RBMS3: variants seen among roughly 807,000 people sequenced by gnomAD.
The protein encoded by RBMS3 is RNA-binding motif, single-stranded-interacting protein 3.
Under a neutral mutation model 66.8 loss-of-function variants are expected in RBMS3, and 27 were observed. The observed-to-expected ratio is 0.40, with a 90% confidence interval of 0.30 to 0.56. RBMS3 has a LOEUF of 0.56. Ranked by LOEUF, RBMS3 falls within the 20% of genes least tolerant of loss-of-function variation. The probability of loss-of-function intolerance (pLI) is 0.40; values close to 1 mark genes in which losing one functional copy is unlikely to be tolerated. For missense variants in RBMS3, 513 were observed against 549.5 expected, an observed-to-expected ratio of 0.93 and a Z score of 0.66; for synonymous variants, 188 against 183.0, an observed-to-expected ratio of 1.03 and a Z score of -0.22.
At chr3:29,343,207 A>T (rs902755826) in intron 1 of RBMS3, among the ~76,000 whole-genome samples, 1 of 152,154 alleles carries the variant, frequency 6.6e-6, no homozygotes, top group Non-Finnish European at 1.5e-5. Context: ...TGAGCGAAAT[A>T]TCTTTTGGGA....
intron 3 of RBMS3, among the ~76,000 whole-genome samples, chr3:29,544,942 A>C (rs2045897798): frequency 6.6e-6 from 1 of 152,166 alleles, no homozygotes; most frequent in African/African-American, 2.4e-5. Context: ...ATTGAGGCCA[A>C]ATCAGATTTT....
intron 5 of RBMS3, among the ~76,000 whole-genome samples, chr3:29,740,640 G>A (rs2054594474): frequency 6.6e-6 from 1 of 152,164 alleles, no homozygotes; most frequent in Non-Finnish European, 1.5e-5. Context: ...AGAAAAATAA[G>A]TCTTGTCTCT....
chr3:29,922,927 A>C (rs2060831880), intron 10 of RBMS3, among the ~76,000 whole-genome samples: 1 of 152,238 alleles, frequency 6.6e-6, no homozygotes, highest in Admixed American at 6.5e-5. Context: ...ACTTTATAAA[A>C]TGAAAAGAAA....
Position 29,936,090 on chromosome 3 carries a change from C to T in RBMS3, c.944C>T (p.Ala315Val). Residue 315 changes from alanine to valine, a missense_variant, in exon 11 of 15, where the codon GCT (alanine) becomes GTT (valine). Coordinates refer to ENST00000383767, the MANE Select transcript of RBMS3 (RefSeq NM_001003793.3). Reference sequence around the variant, plus strand: ...GGACATTGTATATGCTTGTAGGGTGCTGTGATTACACCAACCATGGACCAT... The same window carrying T: ...GGACATTGTATATGCTTGTAGGGTGTTGTGATTACACCAACCATGGACCAT... The part of the protein sequence containing the change: ...HPPYVMQPTG[A>V]VITPTMDHPM... 10 of 1,612,304 alleles carry T rather than the reference C, an allele frequency of 6.2e-6. No homozygotes were observed. The highest frequency in any genetic ancestry group is 8.5e-6 in the Non-Finnish European group (10 of 1,178,872).
intron 13 of RBMS3, among the ~76,000 whole-genome samples, chr3:29,989,929 T>G (rs7647262): frequency 0.14 from 21,674 of 152,232 alleles, 1,804 homozygotes; most frequent in East Asian, 0.2. Context: ...CAAATACTTA[T>G]CTACAAAATT....
chr3:29,668,079 G>A (rs780810591), intron 4 of RBMS3, among the ~76,000 whole-genome samples: 1 of 152,042 alleles, frequency 6.6e-6, no homozygotes, highest in Admixed American at 6.5e-5. Flanking sequence ...TCATGGATAG[G>A]ATACATTTGA....
intron 4 of RBMS3, among the ~76,000 whole-genome samples, chr3:29,623,995 A>G (rs2048969084): frequency 6.6e-6 from 1 of 152,216 alleles, no homozygotes; most frequent in African/African-American, 2.4e-5. Context: ...TATTCTAGCT[A>G]TGTGCTAAAA....
At chr3:29,735,097 C>T (rs898722274) in intron 4 of RBMS3, among the ~76,000 whole-genome samples, 27 of 152,010 alleles carry the variant, frequency 1.8e-4, no homozygotes, top group Non-Finnish European at 8.8e-5. Flanking sequence ...CTATAATAGC[C>T]ATAATGCATA....
chr3:29,474,312 A>G (rs533398296), intron 2 of RBMS3, among the ~76,000 whole-genome samples: 2 of 152,374 alleles, frequency 1.3e-5, no homozygotes, highest in Admixed American at 6.5e-5. Flanking sequence ...TAAACCTAAT[A>G]TATTTATCTG....
At chr3:29,718,124 T>G (rs1454911272) in intron 4 of RBMS3, among the ~76,000 whole-genome samples, 1 of 152,106 alleles carries the variant, frequency 6.6e-6, no homozygotes, top group Non-Finnish European at 1.5e-5. Context: ...TTTTTCCTTC[T>G]GTTTAAGTTT....
intron 8 of RBMS3, among the ~76,000 whole-genome samples, chr3:29,886,766 A>G (rs1264711940): frequency 1.3e-5 from 2 of 151,792 alleles, no homozygotes; most frequent in Non-Finnish European, 2.9e-5. Context: ...TTGGAGCAGG[A>G]AAATCCTCTT....
At chr3:29,353,064 A>G (rs2037014647) in intron 1 of RBMS3, among the ~76,000 whole-genome samples, 1 of 151,984 alleles carries the variant, frequency 6.6e-6, no homozygotes, top group Admixed American at 6.6e-5. Flanking sequence ...TTCTTATAGA[A>G]TAATCTTAGT....
chr3:29,772,850 T>C (rs542436425), intron 6 of RBMS3, among the ~76,000 whole-genome samples: 2 of 152,222 alleles, frequency 1.3e-5, no homozygotes, highest in African/African-American at 2.4e-5. Context: ...TCACAGTTTC[T>C]TTATAACTGC....
At chr3:29,529,046 A>T (rs1190127247) in intron 3 of RBMS3, among the ~76,000 whole-genome samples, 1 of 152,160 alleles carries the variant, frequency 6.6e-6, no homozygotes, top group Non-Finnish European at 1.5e-5. Context: ...GCCAAGCGAA[A>T]ATTGCTTTCT....
At chr3:29,348,345 C>G (rs1424213262) in intron 1 of RBMS3, among the ~76,000 whole-genome samples, 3 of 152,122 alleles carry the variant, frequency 2.0e-5, no homozygotes, top group African/African-American at 7.2e-5. Context: ...AACTTTTAAT[C>G]TAGTCAGGAA....
At chr3:29,312,291 T>C (rs922876442) in intron 1 of RBMS3, among the ~76,000 whole-genome samples, 1 of 23,612 alleles carries the variant, frequency 4.2e-5, no homozygotes, top group Non-Finnish European at 1.4e-4. Flanking sequence ...ATTCTGTTTC[T>C]TTTTTGTTGT....
intron 6 of RBMS3, among the ~76,000 whole-genome samples, chr3:29,821,558 C>G (rs2058075888): frequency 1.3e-5 from 2 of 152,172 alleles, no homozygotes; most frequent in Non-Finnish European, 2.9e-5. Flanking sequence ...CTGCCTTCCA[C>G]TAACTCATGT....
At chr3:29,628,312 TC>T (rs1184142137) in intron 4 of RBMS3, among the ~76,000 whole-genome samples, 1 of 152,164 alleles carries the variant, frequency 6.6e-6, no homozygotes, top group Non-Finnish European at 1.5e-5. Context: ...TTGAAACATT[TC>T]CCTGCTAGAT....
At chr3:29,540,092 C>G (rs1173582204) in intron 3 of RBMS3, among the ~76,000 whole-genome samples, 1 of 152,128 alleles carries the variant, frequency 6.6e-6, no homozygotes, top group Admixed American at 6.6e-5. Flanking sequence ...TTTAAATTAA[C>G]TATTTAATGT....
Sources: gnomAD v4.1 joint callset for allele counts (sites outside exome capture counted in the v4.1 genomes callset) on GRCh38, gnomAD v4.1.1 for gene constraint, MANE v1.5 for transcripts, NCBI Gene and HGNC (gene_info 2026-07-23, HGNC 2026-07-21) for gene names.